Variants in LONP2 observed in about 807,000 individuals in gnomAD.
LONP2 encodes the protein lon peptidase 2, peroxisomal, also known as lon protease homolog 2, peroxisomal.
Under a neutral mutation model 85.6 loss-of-function variants are expected in LONP2, and 60 were observed. The ratio of observed to expected loss-of-function variants is 0.70; its 90% CI spans 0.57 to 0.87. The LOEUF (loss-of-function observed/expected upper bound fraction) is 0.87. Ranked by LOEUF, LONP2 falls within the 40% of genes least tolerant of loss-of-function variation. The pLI, the probability that LONP2 is intolerant of heterozygous loss-of-function variation, is 0.00. For synonymous variants in LONP2, 395 were observed against 389.7 expected, an observed-to-expected ratio of 1.01 and a Z score of -0.16; for missense variants, 860 against 1,063.5, an observed-to-expected ratio of 0.81 and a Z score of 2.66.
chr16:48,312,361 C>CTT (rs529252021), intron 11 of LONP2, among the ~76,000 whole-genome samples: 2 of 147,308 alleles, frequency 1.4e-5, no homozygotes, highest in African/African-American at 5.0e-5. Context: ...GTCATAGCAC[C>CTT]TTTTTTTTTT....
intron 12 of LONP2, among the ~76,000 whole-genome samples, chr16:48,342,630 G>A (rs1239071121): frequency 6.6e-6 from 1 of 152,220 alleles, no homozygotes; most frequent in Non-Finnish European, 1.5e-5. Flanking sequence ...AGAGATGACA[G>A]TGGTGGACCC....
intron 11 of LONP2, among the ~76,000 whole-genome samples, chr16:48,313,169 T>C (rs1176249781): frequency 1.3e-5 from 2 of 152,232 alleles, no homozygotes; most frequent in East Asian, 3.8e-4. Context: ...TGTCATTTTC[T>C]ACCAACAAGT....
chr16:48,358,135 T>C (rs918731077), downstream of LONP2, among the ~76,000 whole-genome samples: 2 of 152,178 alleles, frequency 1.3e-5, no homozygotes, highest in African/African-American at 4.8e-5. Context: ...AGGCTAAGAA[T>C]ATGAAGACCC....
intron 12 of LONP2, among the ~76,000 whole-genome samples, chr16:48,338,899 C>A (rs1959734482): frequency 2.0e-5 from 3 of 152,130 alleles, no homozygotes; most frequent in South Asian, 4.2e-4. Flanking sequence ...CAGAACAAGA[C>A]CCTGTCTCAA....
rs968319956 is a variant in LONP2, at chr16:48,348,080, T to C, written c.2147-20T>C. ...CAGGTTTAATTTTTCTACATTAAAG[T>C]CCCTTTTTCCTTTTTAAAGCTTTTG... On this transcript the variant is annotated intron_variant, in intron 13 of 14. Transcript: ENST00000285737. 8 of 1,571,874 alleles carry C rather than the reference T, an allele frequency of 5.1e-6. 1 individual carries two copies. In the East Asian group the frequency reaches 1.8e-4, roughly 36 times the overall value.
rs1193348523 is a variant in LONP2, at chr16:48,270,188, A to G, written c.1155A>G (p.Gly385=). ...GPPGVGKTSV[G]RSVAKTLGRE... ...CTGGAGTTGGTAAAACAAGTGTGGG[A>G]AGATCAGTGGCCAAGACTCTAGGTC... Residue 385 remains glycine, a synonymous_variant, in exon 7 of 15, where the codon GGA becomes GGG. Coordinates refer to ENST00000285737, the MANE Select transcript of LONP2 (RefSeq NM_031490.5). 27 of 1,613,934 alleles carry G rather than the reference A, an allele frequency of 1.7e-5. No homozygotes were observed. The highest frequency in any genetic ancestry group is 2.3e-5 in the Non-Finnish European group (27 of 1,179,978).
intron 12 of LONP2, among the ~76,000 whole-genome samples, chr16:48,336,156 C>G (rs1054770400): frequency 1.3e-5 from 2 of 152,228 alleles, no homozygotes; most frequent in African/African-American, 4.8e-5. Flanking sequence ...ATATACCCCT[C>G]TCTCCCAGCC....
chr16:48,346,839 A>G (rs1959980339), intron 12 of LONP2, among the ~76,000 whole-genome samples: 1 of 152,154 alleles, frequency 6.6e-6, no homozygotes, highest in Non-Finnish European at 1.5e-5. Context: ...AAGCTAGGTT[A>G]TGAAGTATAT....
intron 8 of LONP2, among the ~76,000 whole-genome samples, chr16:48,278,265 T>C (rs1972256372): frequency 1.3e-5 from 2 of 152,160 alleles, no homozygotes; most frequent in African/African-American, 4.8e-5. Context: ...ACACTTTAGG[T>C]GTTCTATCCA....
rs115640134 is a variant in LONP2 at position 48,265,844 on chromosome 16, C to T, written c.982+2972C>T. ...ATTTTAACAACATTCTTCTAGTCTA[C>T]GAACATGTAATATCTTTCCATTTAT... On this transcript the variant is annotated intron_variant, in intron 6 of 14. Coordinates refer to ENST00000285737, the MANE Select transcript of LONP2 (RefSeq NM_031490.5). 2.5e-3 allele frequency among the ~76,000 whole-genome samples: 387 copies of T among 152,210 alleles called. 3 individuals are homozygous for T. Among genetic ancestry groups the T allele is most frequent in the African/African-American group, 8.9e-3 (371 of 41,526 alleles).
intron 11 of LONP2, among the ~76,000 whole-genome samples, chr16:48,319,095 T>A (rs1247276383): frequency 6.6e-6 from 1 of 152,140 alleles, no homozygotes; most frequent in Non-Finnish European, 1.5e-5. Flanking sequence ...AAGTAACCTC[T>A]GTGGCCAGAC....
intron 4 of LONP2, among the ~76,000 whole-genome samples, chr16:48,260,693 T>C: frequency 6.6e-6 from 1 of 152,202 alleles, no homozygotes; most frequent in South Asian, 2.1e-4. Context: ...AAGGAGCATA[T>C]AAGGTAGTTT....
intron 11 of LONP2, among the ~76,000 whole-genome samples, chr16:48,333,582 C>A (rs150774623): frequency 2.6e-4 from 39 of 151,040 alleles, no homozygotes; most frequent in African/African-American, 9.3e-4. Flanking sequence ...GAGTGAGGAT[C>A]GCTTGAGCCC....
intron 5 of LONP2, among the ~76,000 whole-genome samples, chr16:48,262,408 C>T (rs1261421035): frequency 4.6e-5 from 7 of 152,152 alleles, no homozygotes; most frequent in Admixed American, 3.3e-4. Context: ...GCCATATTTC[C>T]AGGTTAGAAT....
intron 12 of LONP2, among the ~76,000 whole-genome samples, chr16:48,337,304 A>C (rs1324712447): frequency 6.6e-6 from 1 of 152,172 alleles, no homozygotes; most frequent in Non-Finnish European, 1.5e-5. Flanking sequence ...TCTGCTCTAC[A>C]TCAGATTCTC....
chr16:48,302,233 T>G (rs1463429193), intron 10 of LONP2, among the ~76,000 whole-genome samples: 2 of 152,222 alleles, frequency 1.3e-5, no homozygotes, highest in South Asian at 2.1e-4. Context: ...GTTTTCTCCC[T>G]TATTGAAATT....
chr16:48,359,492 C>T (rs779773482), downstream of LONP2, among the ~76,000 whole-genome samples: 4 of 151,964 alleles, frequency 2.6e-5, no homozygotes, highest in Non-Finnish European at 4.4e-5. Flanking sequence ...GGGAGGCAGG[C>T]GGATCACAAG....
At chr16:48,298,721 G>A (rs1972733171) in intron 9 of LONP2, among the ~76,000 whole-genome samples, 1 of 149,770 alleles carries the variant, frequency 6.7e-6, no homozygotes, top group East Asian at 2.0e-4. Flanking sequence ...TCTTCTATTT[G>A]AAATTTCAGA....
chr16:48,251,271 C>T (rs778946765), intron 1 of LONP2, among the ~76,000 whole-genome samples: 7 of 152,136 alleles, frequency 4.6e-5, no homozygotes, highest in Non-Finnish European at 8.8e-5. Context: ...ACCACTTTTC[C>T]TATGGCTGAA....
Sources: allele counts gnomAD v4.1 joint callset (sites outside exome capture counted in the v4.1 genomes callset), GRCh38; gene constraint gnomAD v4.1.1; transcripts MANE v1.5; gene names NCBI Gene and HGNC (gene_info 2026-07-23, HGNC 2026-07-21).